The following PFKM variants were observed in gnomAD, a reference collection of about 807,000 sequenced individuals.
PFKM encodes ATP-dependent 6-phosphofructokinase, muscle type.
A neutral mutation model predicts 95.5 loss-of-function variants in PFKM; 58 were observed. The ratio of observed to expected loss-of-function variants is 0.61; its 90% CI spans 0.49 to 0.76. The LOEUF (loss-of-function observed/expected upper bound fraction) is 0.76. PFKM is among the 30% of genes least tolerant of loss of function. The probability of loss-of-function intolerance (pLI) is 0.00; values close to 1 mark genes in which losing one functional copy is unlikely to be tolerated. For missense variants in PFKM, 678 were observed against 1,005.4 expected (o/e 0.67, Z 4.40); for synonymous variants, 336 against 357.2 (o/e 0.94, Z 0.67).
intron 12 of PFKM, 74 bp downstream of exon 12, chr12:48,139,423 C>T (rs1950390799): frequency 6.9e-6 from 8 of 1,155,080 alleles, no homozygotes; most frequent in Non-Finnish European, 1.3e-6. Flanking sequence ...TCCATGGCTC[C>T]AGGCCCAAAA....
At chr12:48,132,066 A>C (rs762853288) in intron 4 of PFKM, 1 of 456,082 alleles carries the variant, frequency 2.2e-6, no homozygotes, top group South Asian at 1.5e-5. Flanking sequence ...TGCAGTGTCT[A>C]GTGAAGGCTC....
At position 48,145,196 on chromosome 12, in the gene PFKM, A is replaced by G. The variant is rs11168427; in HGVS notation, c.2093-14A>G. On this transcript the variant is annotated splice_polypyrimidine_tract_variant and intron_variant, in intron 21 of 22. Coordinates refer to ENST00000359794, the MANE Select transcript of PFKM (RefSeq NM_000289.6). The surrounding 1 kb of genome is among the most constrained non-coding windows in gnomAD (Gnocchi z 4.3). ...TCCCCAGTATAGAAGCTGACTGCCCATCCCTCATTGCAGGGCGGATCTTTG... is the reference window on the plus strand; with the variant it reads ...TCCCCAGTATAGAAGCTGACTGCCCGTCCCTCATTGCAGGGCGGATCTTTG... The G allele has an allele frequency of 0.2, 323,313 of 1,613,036 alleles. 34,064 individuals are homozygous for G. The highest frequency in any genetic ancestry group is 0.23 in the East Asian group (10,245 of 44,848).
At chr12:48,142,153 T>C (rs993507547) in intron 17 of PFKM, 87 bp downstream of exon 17, 172 of 1,252,762 alleles carry the variant, frequency 1.4e-4, no homozygotes, top group Non-Finnish European at 1.9e-4. Flanking sequence ...AGCTACTCTT[T>C]ATATCAAGCA....
At chr12:48,132,641 G>A (rs1565884310) in intron 4 of PFKM, among the ~76,000 whole-genome samples, 2 of 152,192 alleles carry the variant, frequency 1.3e-5, no homozygotes, top group African/African-American at 4.8e-5. Flanking sequence ...AATGAAAGGA[G>A]TTCTTAGCAG....
At chr12:48,133,095 C>G in intron 5 of PFKM, 38 bp downstream of exon 5, 3 of 1,577,788 alleles carry the variant, frequency 1.9e-6, no homozygotes, top group Non-Finnish European at 1.7e-6. Context: ...TTATTTGTGT[C>G]GGTACGTGCA....
upstream of PFKM, among the ~76,000 whole-genome samples, chr12:48,117,144 G>A (rs752972133): frequency 7.3e-5 from 11 of 151,674 alleles, no homozygotes; most frequent in East Asian, 1.4e-3. Flanking sequence ...ACACTGGCCC[G>A]TTTCACTATG....
At position 48,108,072 on chromosome 12, in the gene PFKM, CT is replaced by C. The variant is rs1565834109; in HGVS notation, c.84del (p.Glu30LysfsTer19). ...GTGACCTAAAGCTATTGTTTCTCAG[CT>C]GGGGAAGCTTCTACTTCCAGCATGC... On this transcript the variant is annotated frameshift_variant and splice_region_variant, in exon 3 of 25. Transcript: ENST00000340802. LOFTEE classifies it high-confidence loss of function. 1 of 1,599,286 alleles carries C rather than the reference CT, an allele frequency of 6.3e-7. No individual in the cohort carries two copies. The highest frequency in any genetic ancestry group is 2.2e-5 in the East Asian group (1 of 44,866).
At chr12:48,113,778 C>T (rs201293797) in intron 3 of PFKM, among the ~76,000 whole-genome samples, 1 of 150,062 alleles carries the variant, frequency 6.7e-6, no homozygotes, top group South Asian at 2.1e-4. Context: ...TTAATTGAGT[C>T]CTTTTGTGGG....
At chr12:48,135,734 TG>T (rs1347027086) in intron 10 of PFKM, among the ~76,000 whole-genome samples, 1 of 152,198 alleles carries the variant, frequency 6.6e-6, no homozygotes. Flanking sequence ...TTTCTTTCAA[TG>T]GTAACATCTT....
chr12:48,145,560 G>A lies in PFKM; in HGVS notation c.2199-4G>A, dbSNP rs1195176028. 5.0e-6 allele frequency: 8 copies of A among 1,613,892 alleles called. No individual in the cohort carries two copies. The highest frequency in any genetic ancestry group is 2.7e-5 in the African/African-American group (2 of 74,866). The stretch of plus-strand genomic sequence containing the variant: ...ATATCATCATCTACCTCATTCCTCT[G>A]TAGGCATCGAATCCCCAAGGAACAG... On this transcript the variant is annotated splice_region_variant and splice_polypyrimidine_tract_variant and intron_variant, in intron 22 of 22. Coordinates refer to ENST00000359794, the MANE Select transcript of PFKM (RefSeq NM_000289.6). This position sits in a 1 kb window ranked among gnomAD's most constrained non-coding sequence, Gnocchi z 4.3.
Position 48,142,792 on chromosome 12 carries a change from G to T in PFKM, c.1664G>T (p.Arg555Leu), listed in dbSNP as rs779192344. The change falls in exon 18 of 23, where the codon CGC becomes CTC. Residue 555 changes from arginine to leucine, a missense_variant. By Grantham distance (102) the Arg-to-Leu change is moderately radical (BLOSUM62 -2). Coordinates refer to ENST00000359794, the MANE Select transcript of PFKM (RefSeq NM_000289.6). Reference sequence around the variant, plus strand: ...CCATTGTCCTTGCAGACCTGTGACCGCATCAAGCAGTCAGCAGCTGGCACC... The same window carrying T: ...CCATTGTCCTTGCAGACCTGTGACCTCATCAAGCAGTCAGCAGCTGGCACC... ...ALNTICTTCD[R>L]IKQSAAGTKR... The T allele has an allele frequency of 6.2e-7, 1 of 1,613,746 alleles. No homozygotes were observed. The highest frequency in any genetic ancestry group is 1.3e-5 in the African/African-American group (1 of 74,906).
intron 2 of PFKM, among the ~76,000 whole-genome samples, chr12:48,129,786 C>T (rs1232976011): frequency 6.6e-6 from 1 of 152,148 alleles, no homozygotes; most frequent in African/African-American, 2.4e-5. Context: ...GCTGATGTCT[C>T]GATTCAGTGC....
chr12:48,122,688 C>CCT, intron 1 of PFKM, 79 bp from the exon 2 acceptor site: 1 of 1,601,704 alleles, frequency 6.2e-7, no homozygotes, highest in Non-Finnish European at 8.5e-7. Context: ...GTGGCTCTAG[C>CCT]CAGTCTAATT....
chr12:48,116,043 C>T (rs1350091972), upstream of PFKM, among the ~76,000 whole-genome samples: 8 of 152,160 alleles, frequency 5.3e-5, no homozygotes, highest in Non-Finnish European at 1.2e-4. Flanking sequence ...ACTTTACATT[C>T]CTACCAGCAA....
chr12:48,132,746 G>A, intron 4 of PFKM, 122 bp from the exon 5 acceptor site: 1 of 822,162 alleles, frequency 1.2e-6, no homozygotes, highest in South Asian at 1.5e-5. Context: ...TCACTCTTAA[G>A]GATGTCAAGG....
chr12:48,122,458 T>G lies in PFKM; in HGVS notation c.-8-309T>G, dbSNP rs1007254255. ...TTTTCTCCTCCCTTTCTCATTTCTA[T>G]TCAGTCAACTTCTCTTTTCCCTGAC... On this transcript the variant is annotated intron_variant, in intron 1 of 22. Coordinates refer to ENST00000359794, the MANE Select transcript of PFKM (RefSeq NM_000289.6). 3 of 572,596 alleles carry G rather than the reference T, an allele frequency of 5.2e-6. No homozygotes were observed. The African/African-American group carries it at 5.7e-5, about 11-fold the overall frequency. 35.5% of individuals were successfully genotyped at this position (572,596 alleles called of 1,614,324 possible). A position where few individuals can be genotyped will look rare whatever the true frequency, so the allele number is the denominator to read the frequency against.
chr12:48,138,688 C>T (rs528226015), intron 11 of PFKM, among the ~76,000 whole-genome samples: 7 of 152,260 alleles, frequency 4.6e-5, no homozygotes, highest in South Asian at 2.1e-4. Flanking sequence ...GCTTTAAGGC[C>T]GGGGACCTGG....
chr12:48,115,372 C>A (rs1256054684), upstream of PFKM, among the ~76,000 whole-genome samples: 1 of 152,126 alleles, frequency 6.6e-6, no homozygotes, highest in East Asian at 1.9e-4. Flanking sequence ...GGTGGATTAT[C>A]ATTAGTTCTT....
intron 2 of PFKM, among the ~76,000 whole-genome samples, chr12:48,129,984 T>C (rs1196076655): frequency 6.6e-6 from 1 of 152,210 alleles, no homozygotes; most frequent in Non-Finnish European, 1.5e-5. Flanking sequence ...ATTCCAGGAT[T>C]GTTAACAGCA....
Sources: gnomAD v4.1 joint callset for allele counts (sites outside exome capture counted in the v4.1 genomes callset) on GRCh38, gnomAD v4.1.1 for gene constraint, Gnocchi (gnomAD v3.1) non-coding constraint, MANE v1.5 for transcripts, NCBI Gene and HGNC (gene_info 2026-07-23, HGNC 2026-07-21) for gene names.